The following CPB2 variants were observed in gnomAD, a reference collection of about 807,000 sequenced individuals.
CPB2 encodes the protein carboxypeptidase B-like protein.
A neutral mutation model predicts 57.0 loss-of-function variants in CPB2; 54 were observed. The ratio of observed to expected loss-of-function variants is 0.95; its 90% CI spans 0.76 to 1.19. The LOEUF is 1.19. Ranked by LOEUF, CPB2 falls within the 50% of genes most tolerant of loss-of-function variation. The pLI is 0.00. For synonymous variants in CPB2, 189 were observed against 178.1 expected, an observed-to-expected ratio of 1.06 and a Z score of -0.49; for missense variants, 426 against 512.0, an observed-to-expected ratio of 0.83 and a Z score of 1.62.
intron 4 of CPB2, among the ~76,000 whole-genome samples, chr13:46,079,248 G>A (rs1203983412): frequency 6.6e-6 from 1 of 152,030 alleles, no homozygotes; most frequent in East Asian, 1.9e-4. Flanking sequence ...TCATTCAAAA[G>A]TTCACTTTTA....
chr13:46,081,507 C>G (rs1035664726), intron 4 of CPB2, among the ~76,000 whole-genome samples: 9 of 152,040 alleles, frequency 5.9e-5, no homozygotes, highest in Admixed American at 1.3e-4. Flanking sequence ...TTTTAAGGCC[C>G]CCTCAATCAA....
chr13:46,065,023 A>C (rs1482004411), intron 7 of CPB2, among the ~76,000 whole-genome samples: 1 of 152,196 alleles, frequency 6.6e-6, no homozygotes, highest in Non-Finnish European at 1.5e-5. Context: ...CTTTCATTCC[A>C]CTAGGCTGCT....
chr13:46,067,177 C>T (rs1593889750), intron 7 of CPB2, 130 bp downstream of exon 7: 2 of 463,972 alleles, frequency 4.3e-6, no homozygotes, highest in South Asian at 3.5e-5. Flanking sequence ...TGACATTTTC[C>T]ACAATAAAAG....
chr13:46,075,103 C>G lies in CPB2; in HGVS notation c.487-1126G>C, dbSNP rs1489128302. On this transcript the variant is annotated intron_variant, in intron 5 of 10. Transcript: ENST00000181383. ...AAAATCAAACAAATATGTAGACTTG[C>G]AATTCCAAAATAAGAAAAAGAAAGA... Among the ~76,000 whole-genome samples the G allele has an allele frequency of 3.3e-5, 5 of 152,074 alleles. No homozygotes were observed. The East Asian group carries it at 9.6e-4, about 29-fold the overall frequency.
chr13:46,063,269 A>C (rs1353689494), intron 8 of CPB2, among the ~76,000 whole-genome samples: 1 of 152,168 alleles, frequency 6.6e-6, no homozygotes, highest in Non-Finnish European at 1.5e-5. Flanking sequence ...CATCACCCAA[A>C]TGGTGAACAC....
chr13:46,082,672 T>G, intron 3 of CPB2, 123 bp from the exon 4 acceptor site: 1 of 567,494 alleles, frequency 1.8e-6, no homozygotes, highest in African/African-American at 1.9e-5. Flanking sequence ...TCATAAGCAT[T>G]TCATCAAGGT....
intron 1 of CPB2, among the ~76,000 whole-genome samples, chr13:46,091,713 G>A (rs1295994784): frequency 6.6e-6 from 1 of 152,216 alleles, no homozygotes; most frequent in Admixed American, 6.5e-5. Context: ...TGCAACTGTT[G>A]CTAAGGTTGT....
chr13:46,103,331 C>T (rs1178973149), intron 1 of CPB2, among the ~76,000 whole-genome samples: 1 of 152,200 alleles, frequency 6.6e-6, no homozygotes, highest in Non-Finnish European at 1.5e-5. Flanking sequence ...AACCTCTAAT[C>T]CCGAACCTCT....
At chr13:46,077,696 T>TG (rs17844043) in intron 5 of CPB2, among the ~76,000 whole-genome samples, 119,977 of 152,140 alleles carry the variant, frequency 0.79, 47,657 homozygotes, top group African/African-American at 0.88. Flanking sequence ...AACAGATGAA[T>TG]GATAAAGAAA....
At chr13:46,095,990 C>G (rs1370934012) in intron 1 of CPB2, among the ~76,000 whole-genome samples, 2 of 149,484 alleles carry the variant, frequency 1.3e-5, no homozygotes, top group African/African-American at 4.9e-5. Flanking sequence ...AAGTGATTCT[C>G]CTGCCTCAGC....
intron 6 of CPB2, among the ~76,000 whole-genome samples, chr13:46,068,563 T>C (rs2044889161): frequency 6.6e-6 from 1 of 152,218 alleles, no homozygotes; most frequent in Non-Finnish European, 1.5e-5. Context: ...TTTATTATAC[T>C]TTAAGTTCTG....
chr13:46,062,025 G>GTTTTTT (rs5803326), intron 8 of CPB2, among the ~76,000 whole-genome samples: 2 of 124,492 alleles, frequency 1.6e-5, no homozygotes, highest in Admixed American at 8.1e-5. Flanking sequence ...TTTTTATTTG[G>GTTTTTT]TTTTTTTTTT....
intron 8 of CPB2, 35 bp downstream of exon 8, chr13:46,064,612 GA>G: frequency 6.6e-7 from 1 of 1,524,944 alleles, no homozygotes; most frequent in South Asian, 1.1e-5. Flanking sequence ...CCCTTTCAGT[GA>G]AGAGACATTG....
intron 1 of CPB2, chr13:46,099,481 T>C (rs1276281250): frequency 2.0e-5 from 3 of 152,184 alleles, no homozygotes; most frequent in African/African-American, 7.2e-5. Context: ...GTAATTTCAG[T>C]GTGAACTTCT....
chr13:46,084,288 T>G lies in CPB2; in HGVS notation c.206A>C (p.His69Pro). ...GACATCAGATGCATTTACAAAAAAATGGACTTGTTTTTTCTTCACAATAAG... is the reference window on the plus strand; with the variant it reads ...GACATCAGATGCATTTACAAAAAAAGGGACTTGTTTTTTCTTCACAATAAG... Reference protein sequence around the residue: ...ADLIVKKKQVHFFVNASDVDN... With the variant: ...ADLIVKKKQVPFFVNASDVDN... Residue 69 changes from histidine to proline, a missense_variant, in exon 3 of 11, where the codon CAT (histidine) becomes CCT (proline). His to Pro is a moderately conservative substitution (Grantham distance 77). Transcript: ENST00000181383. 1 of 1,614,134 alleles carries G rather than the reference T, an allele frequency of 6.2e-7. No individual in the cohort carries two copies. The highest frequency in any genetic ancestry group is 8.5e-7 in the Non-Finnish European group (1 of 1,179,994).
At chr13:46,093,015 C>T (rs550542422) in intron 1 of CPB2, among the ~76,000 whole-genome samples, 5 of 152,088 alleles carry the variant, frequency 3.3e-5, no homozygotes, top group African/African-American at 7.2e-5. Context: ...TGGGTTCAAG[C>T]GATTCTCCTG....
At chr13:46,073,611 C>CTTTTTTTTTTTTTTTTTTTTTTTTTTTT (rs2044976404) in intron 6 of CPB2, 1 of 253,146 alleles carries the variant, frequency 4.0e-6, no homozygotes, top group African/African-American at 2.5e-5. Context: ...TGTACTATTT[C>CTTTTTTTTTTTTTTTTTTTTTTTTTTTT]TTAATCATTT....
At chr13:46,088,123 A>G (rs2045238192) in intron 1 of CPB2, among the ~76,000 whole-genome samples, 1 of 152,174 alleles carries the variant, frequency 6.6e-6, no homozygotes, top group Non-Finnish European at 1.5e-5. Flanking sequence ...TATTTGATGC[A>G]TAAGGGAATA....
chr13:46,053,730 G>C lies in CPB2; in HGVS notation c.1156C>G (p.Leu386Val). The C allele has an allele frequency of 6.2e-7, 1 of 1,614,170 alleles. No homozygotes were observed. Among genetic ancestry groups the C allele is most frequent in the Non-Finnish European group, 8.5e-7 (1 of 1,180,012 alleles). The change falls in exon 11 of 11, where the codon CTT (leucine) becomes GTT (valine). Residue 386 changes from leucine to valine, a missense_variant. Transcript: ENST00000181383. Reference sequence around the variant, plus strand: ...AATCCGTATGTGCCCGTATCTCGAAGTTCAATTGTAAACGAATATTTGATG... The same window carrying C: ...AATCCGTATGTGCCCGTATCTCGAACTTCAATTGTAAACGAATATTTGATG... The part of the protein sequence containing the change: ...LGIKYSFTIE[L>V]RDTGTYGFLL...
Sources: allele counts gnomAD v4.1 joint callset (sites outside exome capture counted in the v4.1 genomes callset), GRCh38; gene constraint gnomAD v4.1.1; transcripts MANE v1.5; gene names NCBI Gene and HGNC (gene_info 2026-07-23, HGNC 2026-07-21).